Variants in SCHIP1 observed in about 807,000 individuals in gnomAD.
SCHIP1 encodes the protein schwannomin-interacting protein 1.
A neutral mutation model predicts 29.7 loss-of-function variants in SCHIP1; 8 were observed. The ratio of observed to expected loss-of-function variants is 0.27; its 90% CI spans 0.16 to 0.49. The LOEUF is 0.49. Ranked by LOEUF, SCHIP1 falls within the 20% of genes least tolerant of loss-of-function variation. The pLI is 0.99. For synonymous variants in SCHIP1, 76 were observed against 94.9 expected, an observed-to-expected ratio of 0.80 and a Z score of 1.16; for missense variants, 193 against 294.6, an observed-to-expected ratio of 0.66 and a Z score of 2.52.
chr3:159,744,937 G>A, the SCHIP1 span, among the ~76,000 whole-genome samples: 1 of 152,058 alleles, frequency 6.6e-6, no homozygotes, highest in African/African-American at 2.4e-5. Flanking sequence ...AGCCGAGATT[G>A]CGCCACTGCA....
the SCHIP1 span, among the ~76,000 whole-genome samples, chr3:159,830,384 T>C: frequency 6.6e-5 from 10 of 152,230 alleles, no homozygotes; most frequent in African/African-American, 2.2e-4. Context: ...CAAATTCTAG[T>C]ATTTAAGAAA....
chr3:159,381,156 TA>T, the SCHIP1 span, among the ~76,000 whole-genome samples: 1 of 152,054 alleles, frequency 6.6e-6, no homozygotes, highest in African/African-American at 2.4e-5. Context: ...AGGAGTGGAT[TA>T]AAAAAATACC....
At chr3:159,485,479 A>G in the SCHIP1 span, among the ~76,000 whole-genome samples, 2 of 152,198 alleles carry the variant, frequency 1.3e-5, no homozygotes, top group African/African-American at 2.4e-5. Context: ...AATTAAACCA[A>G]TTGGCTGTGA....
At chr3:159,823,261 A>G in the SCHIP1 span, among the ~76,000 whole-genome samples, 2 of 152,118 alleles carry the variant, frequency 1.3e-5, no homozygotes, top group African/African-American at 4.8e-5. Flanking sequence ...TTAGAGCAAG[A>G]TCTCTGGATC....
chr3:159,896,655 G>C (rs1718096834), intron 6 of SCHIP1, 68 bp from the exon 8 acceptor site: 2 of 1,460,526 alleles, frequency 1.4e-6, no homozygotes, highest in Non-Finnish European at 1.8e-6. Context: ...GGATGCTGTA[G>C]CTATTGATTG....
the SCHIP1 span, among the ~76,000 whole-genome samples, chr3:159,602,406 A>T: frequency 6.6e-6 from 1 of 152,172 alleles, no homozygotes; most frequent in African/African-American, 2.4e-5. Flanking sequence ...CTTATTTAAA[A>T]TTTAAAAGAA....
At chr3:159,516,291 C>T in the SCHIP1 span, among the ~76,000 whole-genome samples, 1 of 152,152 alleles carries the variant, frequency 6.6e-6, no homozygotes, top group Non-Finnish European at 1.5e-5. Flanking sequence ...GAATGAACTC[C>T]TTCCTCCACT....
chr3:159,556,809 C>A, the SCHIP1 span, among the ~76,000 whole-genome samples: 4 of 149,614 alleles, frequency 2.7e-5, no homozygotes, highest in African/African-American at 2.5e-5. Context: ...AGGAGATATA[C>A]CTAATGCTAA....
chr3:159,348,132 G>A, the SCHIP1 span, among the ~76,000 whole-genome samples: 2 of 152,112 alleles, frequency 1.3e-5, no homozygotes, highest in Non-Finnish European at 2.9e-5. Flanking sequence ...TAGACTCAAT[G>A]TTCTTTAATA....
the SCHIP1 span, among the ~76,000 whole-genome samples, chr3:159,447,918 C>A: frequency 6.6e-6 from 1 of 152,070 alleles, no homozygotes; most frequent in African/African-American, 2.4e-5. Flanking sequence ...TATAAGGTTA[C>A]CCGTCCCTTA....
the SCHIP1 span, among the ~76,000 whole-genome samples, chr3:159,372,882 G>A: frequency 6.6e-6 from 1 of 152,034 alleles, no homozygotes; most frequent in African/African-American, 2.4e-5. Flanking sequence ...GCAAAGGTGA[G>A]TAGTGGCAAC....
At chr3:159,427,795 T>C in the SCHIP1 span, among the ~76,000 whole-genome samples, 4 of 149,038 alleles carry the variant, frequency 2.7e-5, no homozygotes, top group Admixed American at 6.7e-5. Flanking sequence ...CTTCAAACTA[T>C]ACTACAAGGC....
At chr3:159,691,001 T>C in the SCHIP1 span, among the ~76,000 whole-genome samples, 1 of 152,238 alleles carries the variant, frequency 6.6e-6, no homozygotes. Context: ...TGAGGAGTGC[T>C]TTACTTCCAA....
chr3:159,428,188 G>C, the SCHIP1 span, among the ~76,000 whole-genome samples: 3 of 152,004 alleles, frequency 2.0e-5, no homozygotes, highest in East Asian at 1.9e-4. Flanking sequence ...AGCCAAAATT[G>C]ACAAATGGGA....
rs1437448542 is a variant in SCHIP1, at chr3:159,861,418, A to T, written c.31-4745A>T. 6.6e-6 allele frequency among the ~76,000 whole-genome samples: 1 copy of T among 152,100 alleles called. No individual in the cohort carries two copies. Among genetic ancestry groups the T allele is most frequent in the African/African-American group, 2.4e-5 (1 of 41,396 alleles). ...CTCTTTGTTCTTGTCCAGATTGGGG[A>T]ATTGCAGTAGAACAGGGCACATCAG... On this transcript the variant is annotated intron_variant, in intron 1 of 6. Coordinates refer to ENST00000445224, the Ensembl canonical transcript of SCHIP1. The surrounding 1 kb of genome is among the most constrained non-coding windows in gnomAD (Gnocchi z 4.1).
the SCHIP1 span, among the ~76,000 whole-genome samples, chr3:159,374,736 T>C: frequency 6.6e-6 from 1 of 152,210 alleles, no homozygotes; most frequent in Non-Finnish European, 1.5e-5. Context: ...TGCTTGTGCC[T>C]GAGACTCATT....
the SCHIP1 span, among the ~76,000 whole-genome samples, chr3:159,477,925 T>C: frequency 1.0e-3 from 108 of 103,818 alleles, 1 homozygote; most frequent in East Asian, 4.3e-3. Flanking sequence ...TAAATCTTTT[T>C]TTTTTTTTTT....
chr3:159,309,491 G>A, the SCHIP1 span, among the ~76,000 whole-genome samples: 3 of 152,116 alleles, frequency 2.0e-5, no homozygotes, highest in Non-Finnish European at 2.9e-5. Context: ...CAAATGTGGA[G>A]TTAGACTCAT....
At chr3:159,574,651 C>T in the SCHIP1 span, among the ~76,000 whole-genome samples, 1 of 152,210 alleles carries the variant, frequency 6.6e-6, no homozygotes, top group Non-Finnish European at 1.5e-5. Flanking sequence ...TCAGAGCTGT[C>T]AGACAGGAAT....
Sources: allele counts gnomAD v4.1 joint callset (sites outside exome capture counted in the v4.1 genomes callset), GRCh38; gene constraint gnomAD v4.1.1; non-coding constraint Gnocchi (gnomAD v3.1); transcripts MANE v1.5; gene names NCBI Gene and HGNC (gene_info 2026-07-23, HGNC 2026-07-21).